Variants in AUTS2 observed in about 807,000 individuals in gnomAD.
The protein encoded by AUTS2 is autism susceptibility gene 2 protein.
AUTS2 carries 17 observed loss-of-function variants against 112.4 expected under a neutral mutation model. The ratio of observed to expected loss-of-function variants is 0.15; its 90% CI spans 0.10 to 0.23. The LOEUF (loss-of-function observed/expected upper bound fraction) is 0.23. AUTS2 is among the 10% of genes least tolerant of loss of function. The pLI, the probability that AUTS2 is intolerant of heterozygous loss-of-function variation, is 1.00. For missense variants in AUTS2, 1,510 were observed against 1,701.6 expected (o/e 0.89, Z 1.98); for synonymous variants, 751 against 702.7 (o/e 1.07, Z -1.09).
chr7:70,377,325 AATATATATATATAT>A (rs58244266), intron 4 of AUTS2, among the ~76,000 whole-genome samples: 4,586 of 52,096 alleles, frequency 0.088, 278 homozygotes, highest in Non-Finnish European at 0.1. Flanking sequence ...AACAAATATA[AATATATATATATAT>A]ATATATATAT....
chr7:70,081,935 AGTGTGTGTGTGTGT>A (rs3049737), intron 2 of AUTS2, among the ~76,000 whole-genome samples: 57 of 146,770 alleles, frequency 3.9e-4, no homozygotes, highest in African/African-American at 1.1e-3. Flanking sequence ...TTCTGTGAAG[AGTGTGTGTGTGTGT>A]GTGTGTGTGT....
At chr7:70,432,593 A>AC (rs1193240487) in intron 4 of AUTS2, among the ~76,000 whole-genome samples, 2 of 151,496 alleles carry the variant, frequency 1.3e-5, no homozygotes, top group African/African-American at 2.4e-5. Context: ...TTGTCAACAA[A>AC]CCCCCTTTAT....
intron 2 of AUTS2, among the ~76,000 whole-genome samples, chr7:69,916,553 T>C (rs1242785156): frequency 6.6e-6 from 1 of 152,206 alleles, no homozygotes; most frequent in African/African-American, 2.4e-5. Flanking sequence ...AAACTCAGCA[T>C]ATCTCACTTT....
At chr7:70,400,428 G>T (rs2130117519) in intron 4 of AUTS2, among the ~76,000 whole-genome samples, 1 of 152,272 alleles carries the variant, frequency 6.6e-6, no homozygotes, top group Non-Finnish European at 1.5e-5. Context: ...GCTCTAGCCT[G>T]TCGCAACATT....
chr7:70,206,317 A>T (rs1810571769), intron 4 of AUTS2, among the ~76,000 whole-genome samples: 1 of 152,098 alleles, frequency 6.6e-6, no homozygotes, highest in African/African-American at 2.4e-5. Context: ...GCATGGAAGG[A>T]GATACTAGAG....
intron 5 of AUTS2, among the ~76,000 whole-genome samples, chr7:70,673,278 C>T (rs752516370): frequency 3.9e-5 from 6 of 152,156 alleles, no homozygotes; most frequent in Non-Finnish European, 8.8e-5. Flanking sequence ...GCAGAACTGC[C>T]CACTCTCTCC....
chr7:70,552,344 A>G (rs972100238), intron 5 of AUTS2, among the ~76,000 whole-genome samples: 2 of 152,210 alleles, frequency 1.3e-5, no homozygotes, highest in African/African-American at 4.8e-5. Context: ...CTACAATAAA[A>G]TGCAAAATAC....
chr7:70,373,894 C>A (rs1170435564), intron 4 of AUTS2, among the ~76,000 whole-genome samples: 1 of 148,182 alleles, frequency 6.7e-6, no homozygotes, highest in East Asian at 2.0e-4. Flanking sequence ...TAGAAGTCAT[C>A]TTTTTTTTTT....
chr7:70,550,939 A>G (rs1444612823), intron 5 of AUTS2, among the ~76,000 whole-genome samples: 8 of 152,132 alleles, frequency 5.3e-5, no homozygotes, highest in Non-Finnish European at 1.2e-4. Context: ...TCTGGAACTC[A>G]GGCAGGAATA....
At chr7:70,118,545 A>G in intron 3 of AUTS2, 1 of 181,972 alleles carries the variant, frequency 5.5e-6, no homozygotes, top group Non-Finnish European at 1.1e-5. Context: ...TTGGGAGGCT[A>G]AAGCAGGTGG....
chr7:70,055,726 G>T (rs1394714159), intron 2 of AUTS2, among the ~76,000 whole-genome samples: 1 of 152,160 alleles, frequency 6.6e-6, no homozygotes, highest in Non-Finnish European at 1.5e-5. Flanking sequence ...ATTAAGGTGG[G>T]TATTGTTAGT....
rs1319159743 is a variant in AUTS2, at chr7:70,562,703, C to T, written c.690+126922C>T. On this transcript the variant is annotated intron_variant, in intron 5 of 18. Transcript: ENST00000342771. ...TTGGAACTTAATAGAGGTAGAGGCT[C>T]AGTCGGTGTTTGCTGAACAAATGAA... 5.3e-5 allele frequency among the ~76,000 whole-genome samples: 8 copies of T among 152,290 alleles called. No individual in the cohort carries two copies. The East Asian group carries it at 1.5e-3, about 29-fold the overall frequency.
At chr7:70,602,919 A>G (rs1474704108) in intron 5 of AUTS2, among the ~76,000 whole-genome samples, 4 of 152,206 alleles carry the variant, frequency 2.6e-5, no homozygotes, top group African/African-American at 9.7e-5. Context: ...TTTGAGTCCT[A>G]TTTTAAATTC....
At chr7:69,798,672 G>A (rs1363183920) in intron 1 of AUTS2, among the ~76,000 whole-genome samples, 3 of 152,054 alleles carry the variant, frequency 2.0e-5, no homozygotes, top group East Asian at 3.8e-4. Flanking sequence ...TTGGTATTAC[G>A]GAAATTAGTA....
At chr7:69,934,049 T>G (rs188783223) in intron 2 of AUTS2, among the ~76,000 whole-genome samples, 1 of 152,350 alleles carries the variant, frequency 6.6e-6, no homozygotes, top group East Asian at 1.9e-4. Context: ...TTTTATTGTT[T>G]AGACTTAAAA....
intron 4 of AUTS2, among the ~76,000 whole-genome samples, chr7:70,186,544 TC>T: frequency 6.6e-6 from 1 of 152,276 alleles, no homozygotes; most frequent in East Asian, 1.9e-4. Flanking sequence ...GATACTAATA[TC>T]TAACATACTA....
intron 2 of AUTS2, among the ~76,000 whole-genome samples, chr7:70,050,651 A>G (rs1264658410): frequency 2.6e-5 from 4 of 152,150 alleles, no homozygotes; most frequent in African/African-American, 9.7e-5. Flanking sequence ...GCTTACTTCT[A>G]ACTTCCCCAT....
chr7:69,953,824 C>A (rs761889098), intron 2 of AUTS2, among the ~76,000 whole-genome samples: 9 of 152,136 alleles, frequency 5.9e-5, no homozygotes, highest in Non-Finnish European at 1.2e-4. Flanking sequence ...TAGTACCCCC[C>A]CAACTACTTT....
intron 1 of AUTS2, among the ~76,000 whole-genome samples, chr7:69,895,546 C>CT (rs1554400670): frequency 2.8e-5 from 4 of 142,992 alleles, no homozygotes; most frequent in Non-Finnish European, 6.1e-5. Flanking sequence ...CTCTTCTTCC[C>CT]CCCCCCCGAG....
Sources: allele counts gnomAD v4.1 joint callset (sites outside exome capture counted in the v4.1 genomes callset), GRCh38; gene constraint gnomAD v4.1.1; transcripts MANE v1.5; gene names NCBI Gene and HGNC (gene_info 2026-07-23, HGNC 2026-07-21).